Variants in SGF29 observed in about 807,000 individuals in gnomAD.
SGF29 encodes the protein SAGA-associated factor 29.
A neutral mutation model predicts 38.1 loss-of-function variants in SGF29; 15 were observed. That is an observed-to-expected ratio of 0.39 (90% CI 0.26 to 0.61). The LOEUF (loss-of-function observed/expected upper bound fraction) is 0.61. SGF29 is among the 20% of genes least tolerant of loss of function. SGF29 has a pLI of 0.49. For missense variants in SGF29, 184 were observed against 394.6 expected (o/e 0.47, Z 4.52); for synonymous variants, 151 against 160.8 (o/e 0.94, Z 0.46).
At chr16:28,564,499 C>T (rs2046808823) in intron 1 of SGF29, among the ~76,000 whole-genome samples, 1 of 139,082 alleles carries the variant, frequency 7.2e-6, no homozygotes, top group South Asian at 2.2e-4. Flanking sequence ...AGGGACAGAA[C>T]TCTGTGTGTG....
Position 28,584,926 on chromosome 16 carries a change from G to C in SGF29, c.89G>C (p.Arg30Pro). The C allele has an allele frequency of 6.2e-7, 1 of 1,613,240 alleles. No individual in the cohort carries two copies. Among genetic ancestry groups the C allele is most frequent in the South Asian group, 1.1e-5 (1 of 91,050 alleles). ...TTTTCCTTACAGGAAGAGCGTTCGC[G>C]GAGCGAACACAACTTAGTGAACATC... ...LIKQTQEERS[R>P]SEHNLVNIQK... Residue 30 changes from arginine (R) to proline (P), a missense_variant, in exon 3 of 10, where the codon CGG becomes CCG. By Grantham distance (103) the Arg-to-Pro change is moderately radical. This residue lies in a region of SGF29 where 77 missense variants were observed against 117.7 expected (regional missense o/e 0.65). Transcript: ENST00000317058.
intron 2 of SGF29, among the ~76,000 whole-genome samples, chr16:28,584,688 C>G (rs900573803): frequency 4.6e-5 from 7 of 150,694 alleles, no homozygotes; most frequent in African/African-American, 1.7e-4. Flanking sequence ...ACTCGGGAGG[C>G]TGAGGCAGGA....
intron 1 of SGF29, among the ~76,000 whole-genome samples, chr16:28,563,949 G>T (rs948350507): frequency 3.3e-5 from 5 of 152,106 alleles, no homozygotes; most frequent in African/African-American, 1.2e-4. Context: ...GTTTTGCCAT[G>T]TTGGCCAGGC....
chr16:28,566,543 C>G (rs2046837232), intron 1 of SGF29, among the ~76,000 whole-genome samples: 1 of 152,006 alleles, frequency 6.6e-6, no homozygotes, highest in South Asian at 2.1e-4. Flanking sequence ...AATCCCAACA[C>G]TTTTCAGAGC....
chr16:28,564,354 T>A (rs1232766851), intron 1 of SGF29, among the ~76,000 whole-genome samples: 3 of 150,970 alleles, frequency 2.0e-5, no homozygotes, highest in Non-Finnish European at 4.4e-5. Flanking sequence ...TGAGAATGCT[T>A]AGGGAGTGCT....
chr16:28,590,817 G>A lies in SGF29; in HGVS notation c.647G>A (p.Trp216Ter). The A allele has an allele frequency of 6.2e-7, 1 of 1,614,046 alleles. No homozygotes were observed. Among genetic ancestry groups the A allele is most frequent in the African/African-American group, 1.3e-5 (1 of 75,020 alleles). ...SRRRVIPLPQ[W>*]KANPETDPEA... ...CGCCGTGTCATCCCGCTGCCCCAGT[G>A]GAAGGCCAACCCGGAGACGGACCCT... The change falls in exon 9 of 10, where the codon TGG (tryptophan) becomes TAG (stop). Residue 216 changes from tryptophan (W) to a stop codon, truncating the protein, a stop_gained. Coordinates refer to ENST00000317058, the MANE Select transcript of SGF29 (RefSeq NM_138414.3). LOFTEE classifies it high-confidence loss of function. The surrounding 1 kb of genome is among the most constrained non-coding windows in gnomAD (Gnocchi z 8.2).
chr16:28,573,249 C>T (rs1033394315), intron 1 of SGF29, among the ~76,000 whole-genome samples: 1 of 152,098 alleles, frequency 6.6e-6, no homozygotes, highest in Non-Finnish European at 1.5e-5. Flanking sequence ...AGCCAGGCTC[C>T]AGCCCAGAGG....
At chr16:28,572,662 C>G (rs1365947292) in intron 1 of SGF29, among the ~76,000 whole-genome samples, 1 of 152,190 alleles carries the variant, frequency 6.6e-6, no homozygotes, top group Admixed American at 6.6e-5. Context: ...ACTGGTCAGG[C>G]AAGCGCAGCC....
At chr16:28,569,617 A>G (rs938436356) in intron 1 of SGF29, among the ~76,000 whole-genome samples, 2 of 152,240 alleles carry the variant, frequency 1.3e-5, no homozygotes, top group East Asian at 3.9e-4. Flanking sequence ...GCACCAGTGC[A>G]CTCCAGCCTG....
chr16:28,569,523 G>T (rs960728213), intron 1 of SGF29, among the ~76,000 whole-genome samples: 2 of 152,182 alleles, frequency 1.3e-5, no homozygotes, highest in East Asian at 1.9e-4. Context: ...ATGGTGGCAT[G>T]TGCCTGTGGT....
chr16:28,578,258 A>G (rs1459144710), intron 1 of SGF29, among the ~76,000 whole-genome samples: 1 of 151,874 alleles, frequency 6.6e-6, no homozygotes, highest in Non-Finnish European at 1.5e-5. Context: ...AGGGTTTTCT[A>G]TATACAAGGT....
intron 1 of SGF29, among the ~76,000 whole-genome samples, chr16:28,580,094 T>A (rs2046916591): frequency 2.0e-5 from 3 of 152,198 alleles, no homozygotes; most frequent in Non-Finnish European, 4.4e-5. Context: ...TTGAATCATT[T>A]GTCAGGATAT....
chr16:28,584,854 C>A, intron 2 of SGF29, 59 bp from the exon 3 acceptor site: 1 of 1,266,570 alleles, frequency 7.9e-7, no homozygotes, highest in Non-Finnish European at 1.1e-6. Flanking sequence ...GCCTGGCTGG[C>A]AGGGTACCAC....
chr16:28,572,443 A>G (rs567022891), intron 1 of SGF29, among the ~76,000 whole-genome samples: 1 of 151,544 alleles, frequency 6.6e-6, no homozygotes, highest in South Asian at 2.1e-4. Context: ...TAACTTTTGT[A>G]TTTTCAGTAG....
chr16:28,590,764 T>C lies in SGF29; in HGVS notation c.603-9T>C. ...GGCCACAGGTTGATATAAGCCCCTC[T>C]TCCCCCAGGAGACACACCCTGAGCC... is the stretch of plus-strand genomic sequence containing the variant. On this transcript the variant is annotated splice_polypyrimidine_tract_variant and intron_variant, in intron 8 of 9. Transcript: ENST00000317058. This position sits in a 1 kb window ranked among gnomAD's most constrained non-coding sequence, Gnocchi z 8.2. 1.2e-6 allele frequency: 2 copies of C among 1,614,004 alleles called. No homozygotes were observed. Among genetic ancestry groups the C allele is most frequent in the Non-Finnish European group, 1.7e-6 (2 of 1,179,940 alleles).
At chr16:28,558,966 ATAG>A in intron 1 of SGF29, among the ~76,000 whole-genome samples, 1 of 152,322 alleles carries the variant, frequency 6.6e-6, no homozygotes, top group East Asian at 1.9e-4. Flanking sequence ...CTAAAATTAG[ATAG>A]TGGTGATATT....
chr16:28,590,890 G>A lies in SGF29; in HGVS notation c.720G>A (p.Gln240=), dbSNP rs771964037. 5.6e-6 allele frequency: 9 copies of A among 1,613,606 alleles called. No individual in the cohort carries two copies. The highest frequency in any genetic ancestry group is 7.6e-6 in the Non-Finnish European group (9 of 1,179,810). Reference sequence around the variant, plus strand: ...AGCTCGTGCTGGCCCTGTATCCCCAGACTACCTGCTTCTACCGCGCCCTGA... The same window carrying A: ...AGCTCGTGCTGGCCCTGTATCCCCAAACTACCTGCTTCTACCGCGCCCTGA... The part of the protein sequence containing the change: ...KEQLVLALYP[Q]TTCFYRALIH... Residue 240 remains glutamine, a synonymous_variant, in exon 9 of 10, where the codon CAG becomes CAA. Coordinates refer to ENST00000317058, the MANE Select transcript of SGF29 (RefSeq NM_138414.3). The surrounding 1 kb of genome is among the most constrained non-coding windows in gnomAD (Gnocchi z 8.2).
In SGF29 at chr16:28,569,393, C is replaced by T. The variant is rs554983555; in HGVS notation, c.-15-11662C>T. On this transcript the variant is annotated intron_variant, in intron 1 of 9. Transcript: ENST00000317058. ...TGAAAAAGTAGGCTGGGCACAATGG[C>T]TTACGCCTGTAATCCTAGCACTTTA... Among the ~76,000 whole-genome samples, 51 of 152,334 alleles carry T rather than the reference C, an allele frequency of 3.3e-4. 1 individual carries two copies. The highest frequency in any genetic ancestry group is 1.2e-3 in the African/African-American group (49 of 41,578).
chr16:28,564,605 G>A (rs1222043567), intron 1 of SGF29, among the ~76,000 whole-genome samples: 38 of 107,834 alleles, frequency 3.5e-4, no homozygotes, highest in African/African-American at 1.2e-3. Flanking sequence ...ACATATATGT[G>A]TATATATATA....
Sources: gnomAD v4.1 joint callset for allele counts (sites outside exome capture counted in the v4.1 genomes callset) on GRCh38, gnomAD v4.1.1 for gene constraint, gnomAD v4.1.1 regional missense constraint, Gnocchi (gnomAD v3.1) non-coding constraint, MANE v1.5 for transcripts, NCBI Gene and HGNC (gene_info 2026-07-23, HGNC 2026-07-21) for gene names.